The following MCTP1 variants were observed in gnomAD, a reference collection of about 807,000 sequenced individuals.
MCTP1 encodes multiple C2 and transmembrane domain-containing protein 1.
A neutral mutation model predicts 120.6 loss-of-function variants in MCTP1; 69 were observed. The observed-to-expected ratio is 0.57, with a 90% CI of 0.47 to 0.70. The LOEUF is 0.70. MCTP1 is among the 30% of genes least tolerant of loss of function. The pLI, the probability that MCTP1 is intolerant of heterozygous loss-of-function variation, is 0.00. For missense variants in MCTP1, 1,203 were observed against 1,248.8 expected (o/e 0.96, Z 0.55); for synonymous variants, 529 against 493.1 (o/e 1.07, Z -0.96).
At chr5:95,172,703 A>G (rs1343361070) in intron 1 of MCTP1, among the ~76,000 whole-genome samples, 1 of 152,180 alleles carries the variant, frequency 6.6e-6, no homozygotes, top group Non-Finnish European at 1.5e-5. Flanking sequence ...TATATGCACA[A>G]TACATATTTG....
At chr5:94,850,284 C>T (rs1230356373) in intron 17 of MCTP1, among the ~76,000 whole-genome samples, 1 of 152,114 alleles carries the variant, frequency 6.6e-6, no homozygotes, top group Non-Finnish European at 1.5e-5. Context: ...AAATCGTGAA[C>T]TTTAAGGCCC....
intron 19 of MCTP1, among the ~76,000 whole-genome samples, chr5:94,726,581 GTT>G (rs5869645): frequency 6.6e-6 from 1 of 151,520 alleles, no homozygotes; most frequent in Non-Finnish European, 1.5e-5. Context: ...GGCCCGCAAA[GTT>G]TTTTTTTTCT....
At chr5:94,715,363 CAAAAAAAAAA>C (rs35567390) in intron 19 of MCTP1, among the ~76,000 whole-genome samples, 3 of 70,526 alleles carry the variant, frequency 4.3e-5, no homozygotes, top group African/African-American at 5.4e-5. Context: ...ATGAAAACTA[CAAAAAAAAAA>C]AAAAAAAAAA....
chr5:94,906,118 T>C, intron 10 of MCTP1, among the ~76,000 whole-genome samples: 1 of 152,118 alleles, frequency 6.6e-6, no homozygotes, highest in East Asian at 1.9e-4. Context: ...TGTGGTGGGC[T>C]TGGGGGACAT....
intron 1 of MCTP1, among the ~76,000 whole-genome samples, chr5:95,263,691 G>A (rs965362548): frequency 2.0e-5 from 3 of 152,184 alleles, no homozygotes; most frequent in African/African-American, 4.8e-5. Flanking sequence ...TGATGGAGTG[G>A]AGGAGAATAA....
intron 1 of MCTP1, among the ~76,000 whole-genome samples, chr5:95,229,170 A>C (rs2152641149): frequency 6.6e-6 from 1 of 152,276 alleles, no homozygotes; most frequent in Non-Finnish European, 1.5e-5. Context: ...AGATATTTAC[A>C]AGGATACAAT....
At chr5:95,172,282 G>T (rs965925095) in intron 1 of MCTP1, among the ~76,000 whole-genome samples, 1 of 152,178 alleles carries the variant, frequency 6.6e-6, no homozygotes, top group Non-Finnish European at 1.5e-5. Flanking sequence ...TGTCTCAGAG[G>T]GGTACCTGGC....
At chr5:94,953,536 A>T (rs1347160885) in intron 2 of MCTP1, among the ~76,000 whole-genome samples, 175 bp from the exon 3 acceptor site, 1 of 151,664 alleles carries the variant, frequency 6.6e-6, no homozygotes, top group African/African-American at 2.4e-5. Flanking sequence ...TTGAAGTGAT[A>T]AATAATAATA....
intron 17 of MCTP1, among the ~76,000 whole-genome samples, chr5:94,823,230 G>A (rs1786099900): frequency 6.6e-6 from 1 of 152,176 alleles, no homozygotes; most frequent in African/African-American, 2.4e-5. Context: ...TTTGTATAAG[G>A]TGTAAGGAAG....
At chr5:95,117,810 A>G (rs1187282754) in intron 1 of MCTP1, among the ~76,000 whole-genome samples, 1 of 152,214 alleles carries the variant, frequency 6.6e-6, no homozygotes, top group East Asian at 1.9e-4. Context: ...TGGTACCTAT[A>G]CACTATGCAA....
At chr5:95,180,998 C>T (rs935080084) in intron 1 of MCTP1, among the ~76,000 whole-genome samples, 1 of 152,192 alleles carries the variant, frequency 6.6e-6, no homozygotes, top group Non-Finnish European at 1.5e-5. Flanking sequence ...AACCCTATTG[C>T]TAAAACCCTG....
chr5:94,929,146 G>A (rs978175148), intron 6 of MCTP1, among the ~76,000 whole-genome samples: 1 of 152,104 alleles, frequency 6.6e-6, no homozygotes, highest in African/African-American at 2.4e-5. Context: ...AACAACAACC[G>A]AGTCGATTTA....
intron 1 of MCTP1, among the ~76,000 whole-genome samples, chr5:95,141,640 T>C (rs1216590139): frequency 6.6e-6 from 1 of 152,188 alleles, no homozygotes; most frequent in East Asian, 1.9e-4. Context: ...TCTGCTCATC[T>C]TCATTGTCTT....
chr5:94,847,108 A>C (rs1021138993), intron 17 of MCTP1, among the ~76,000 whole-genome samples: 1 of 152,166 alleles, frequency 6.6e-6, no homozygotes, highest in African/African-American at 2.4e-5. Flanking sequence ...TTTGTTTTCT[A>C]ATAAAACAGC....
chr5:94,901,708 G>A (rs543769311), intron 10 of MCTP1, among the ~76,000 whole-genome samples: 2 of 151,768 alleles, frequency 1.3e-5, no homozygotes, highest in South Asian at 4.2e-4. Context: ...AAAAGTTCAA[G>A]GAGAAAAATC....
chr5:95,163,837 A>C (rs1369080229), intron 1 of MCTP1, among the ~76,000 whole-genome samples: 1 of 152,210 alleles, frequency 6.6e-6, no homozygotes, highest in African/African-American at 2.4e-5. Context: ...TCTGTAAAAG[A>C]AAAAATTTAA....
intron 19 of MCTP1, among the ~76,000 whole-genome samples, chr5:94,767,072 C>T (rs770475199): frequency 1.6e-4 from 25 of 152,092 alleles, no homozygotes; most frequent in Non-Finnish European, 3.4e-4. Context: ...GATAATACAC[C>T]ATGATCAAGT....
intron 20 of MCTP1, 61 bp downstream of exon 20, chr5:94,714,716 A>G (rs1486289374): frequency 2.0e-6 from 2 of 1,010,906 alleles, no homozygotes; most frequent in Non-Finnish European, 3.2e-6. Context: ...TTCACCCTCC[A>G]AGAAACAAAT....
chr5:95,032,351 C>A (rs1313189277), intron 1 of MCTP1, among the ~76,000 whole-genome samples: 1 of 151,920 alleles, frequency 6.6e-6, no homozygotes, highest in African/African-American at 2.4e-5. Flanking sequence ...AAAGCAAGTC[C>A]CAATAAATTC....
Sources: allele counts gnomAD v4.1 joint callset (sites outside exome capture counted in the v4.1 genomes callset), GRCh38; gene constraint gnomAD v4.1.1; transcripts MANE v1.5; gene names NCBI Gene and HGNC (gene_info 2026-07-23, HGNC 2026-07-21).